The following CNTN5 variants were observed in gnomAD, a reference collection of about 807,000 sequenced individuals.
CNTN5 encodes contactin 5, also known as contactin-5.
CNTN5 carries 77 observed loss-of-function variants against 129.1 expected under a neutral mutation model. That is an observed-to-expected ratio of 0.60 (90% CI 0.50 to 0.72). The LOEUF is 0.72. CNTN5 is among the 30% of genes least tolerant of loss of function. CNTN5 has a pLI of 0.00. For missense variants in CNTN5, 1,478 were observed against 1,328.8 expected, an observed-to-expected ratio of 1.11 and a Z score of -1.75; for synonymous variants, 509 against 465.6, an observed-to-expected ratio of 1.09 and a Z score of -1.20.
At chr11:99,245,806 G>A (rs189158800) in intron 1 of CNTN5, among the ~76,000 whole-genome samples, 290 of 152,196 alleles carry the variant, frequency 1.9e-3, no homozygotes, top group African/African-American at 6.4e-3. Flanking sequence ...GGGGATGTAC[G>A]GGACTGTCTT....
chr11:99,108,416 A>G (rs1184228486), intron 1 of CNTN5, among the ~76,000 whole-genome samples: 1 of 152,154 alleles, frequency 6.6e-6, no homozygotes, highest in Non-Finnish European at 1.5e-5. Context: ...GGATTCAGGC[A>G]TTTAGGAGAA....
chr11:100,095,563 A>G (rs1944980313), intron 13 of CNTN5, among the ~76,000 whole-genome samples: 1 of 152,084 alleles, frequency 6.6e-6, no homozygotes, highest in Admixed American at 6.6e-5. Context: ...ATAGTTAGTT[A>G]CCAATTTGTC....
chr11:100,120,081 A>T (rs531300549), intron 13 of CNTN5, among the ~76,000 whole-genome samples: 15 of 79,188 alleles, frequency 1.9e-4, no homozygotes, highest in Non-Finnish European at 2.7e-4. Context: ...AATGTTAATG[A>T]TTGTATAATA....
intron 6 of CNTN5, among the ~76,000 whole-genome samples, chr11:99,906,015 G>T (rs1448799303): frequency 5.3e-5 from 8 of 151,854 alleles, no homozygotes; most frequent in African/African-American, 1.7e-4. Flanking sequence ...TGCTGAAGTT[G>T]CTTATTAAGG....
At position 100,248,502 on chromosome 11, in the gene CNTN5, T is replaced by C. The variant is rs11223402; in HGVS notation, c.2006-7258T>C. ...TCAAAGCAAGAGTGAGCTAGGATCA[T>C]GCCACTGCACTCCAACCTGGGCAAC... is the stretch of plus-strand genomic sequence containing the variant. On this transcript the variant is annotated intron_variant, in intron 16 of 24. Coordinates refer to ENST00000524871, the MANE Select transcript of CNTN5 (RefSeq NM_014361.4). Among the ~76,000 whole-genome samples the C allele has an allele frequency of 3.8e-4, 58 of 152,050 alleles. No individual in the cohort carries two copies. In the East Asian group the frequency reaches 8.9e-3, roughly 23 times the overall value.
chr11:99,131,567 T>G (rs1038619530), intron 1 of CNTN5, among the ~76,000 whole-genome samples: 5 of 151,962 alleles, frequency 3.3e-5, no homozygotes, highest in Admixed American at 2.6e-4. Flanking sequence ...ATAAGGGAGA[T>G]ACCACCAATG....
At chr11:99,328,392 G>A (rs898987489) in intron 2 of CNTN5, among the ~76,000 whole-genome samples, 1 of 152,108 alleles carries the variant, frequency 6.6e-6, no homozygotes, top group Non-Finnish European at 1.5e-5. Flanking sequence ...AGATGGAACA[G>A]TTCCACACAA....
At chr11:99,608,883 G>T (rs920092454) in intron 3 of CNTN5, among the ~76,000 whole-genome samples, 1 of 152,098 alleles carries the variant, frequency 6.6e-6, no homozygotes, top group African/African-American at 2.4e-5. Context: ...ATTAAGTGGC[G>T]ATCATAGAAC....
chr11:99,773,644 A>C (rs938915714), intron 3 of CNTN5, among the ~76,000 whole-genome samples: 1 of 152,084 alleles, frequency 6.6e-6, no homozygotes, highest in African/African-American at 2.4e-5. Context: ...ACAATGTAAA[A>C]ATTAGCAATA....
intron 3 of CNTN5, among the ~76,000 whole-genome samples, chr11:99,789,498 T>C (rs1052536381): frequency 2.6e-5 from 4 of 152,004 alleles, no homozygotes; most frequent in Middle Eastern, 3.2e-3. Context: ...TGGAATAAAC[T>C]GACAAAATAT....
rs180827004 is a variant in CNTN5 at position 100,123,677 on chromosome 11, G to C, written c.1580+49383G>C. On this transcript the variant is annotated intron_variant, in intron 13 of 24. Coordinates refer to ENST00000524871, the MANE Select transcript of CNTN5 (RefSeq NM_014361.4). ...TCAAAATGCTTTGAGGAACAGAAAA[G>C]ATATTGGGTGGAAAAAGATATCTAG... Among the ~76,000 whole-genome samples, 1,361 of 152,030 alleles carry C rather than the reference G, an allele frequency of 9.0e-3. 25 individuals carry two copies. The highest frequency in any genetic ancestry group is 0.031 in the African/African-American group (1,280 of 41,526).
intron 13 of CNTN5, among the ~76,000 whole-genome samples, chr11:100,093,660 T>C (rs1224476697): frequency 1.3e-5 from 2 of 152,108 alleles, no homozygotes; most frequent in Non-Finnish European, 2.9e-5. Flanking sequence ...TAATTTTTTC[T>C]ACAGTCTGTA....
intron 1 of CNTN5, among the ~76,000 whole-genome samples, chr11:99,068,736 G>A (rs1466626134): frequency 2.6e-5 from 4 of 152,128 alleles, no homozygotes; most frequent in East Asian, 3.9e-4. Flanking sequence ...TGAAGACAAG[G>A]CAGAGAAACA....
At chr11:99,464,295 G>A (rs1158071158) in intron 2 of CNTN5, among the ~76,000 whole-genome samples, 1 of 152,078 alleles carries the variant, frequency 6.6e-6, no homozygotes, top group Non-Finnish European at 1.5e-5. Context: ...GGGGAATTGG[G>A]GATAAATGAG....
chr11:100,164,962 G>T (rs1947579480), intron 13 of CNTN5, among the ~76,000 whole-genome samples: 1 of 151,712 alleles, frequency 6.6e-6, no homozygotes, highest in South Asian at 2.1e-4. Flanking sequence ...TTGTATAAAT[G>T]TATATTTTTT....
chr11:100,213,011 G>A (rs973626278), intron 15 of CNTN5, among the ~76,000 whole-genome samples: 1 of 151,944 alleles, frequency 6.6e-6, no homozygotes, highest in Non-Finnish European at 1.5e-5. Flanking sequence ...ATTCCCCATG[G>A]CAGAAACAAC....
chr11:99,262,618 C>CT (rs896587931), intron 1 of CNTN5, among the ~76,000 whole-genome samples: 19 of 148,924 alleles, frequency 1.3e-4, no homozygotes, highest in African/African-American at 2.0e-4. Context: ...TTTTCTCTCT[C>CT]TTTTTTTTGC....
chr11:99,370,115 A>G (rs1335840533), intron 2 of CNTN5, among the ~76,000 whole-genome samples: 1 of 152,178 alleles, frequency 6.6e-6, no homozygotes, highest in Non-Finnish European at 1.5e-5. Flanking sequence ...GATAAAAACT[A>G]TATTTTAGAT....
chr11:99,598,317 T>G (rs1950194804), intron 3 of CNTN5, among the ~76,000 whole-genome samples: 3 of 63,372 alleles, frequency 4.7e-5, no homozygotes, highest in African/African-American at 1.3e-4. Flanking sequence ...TTCTTTTCTT[T>G]TCTTTTCTGT....
Sources: allele counts gnomAD v4.1 joint callset (sites outside exome capture counted in the v4.1 genomes callset), GRCh38; gene constraint gnomAD v4.1.1; transcripts MANE v1.5; gene names NCBI Gene and HGNC (gene_info 2026-07-23, HGNC 2026-07-21).